Variants in PZP observed in about 807,000 individuals in gnomAD.
PZP encodes the protein PZP alpha-2-macroglobulin like.
A neutral mutation model predicts 179.8 loss-of-function variants in PZP; 150 were observed. That is an observed-to-expected ratio of 0.83 (90% confidence interval 0.73 to 0.96). PZP has a LOEUF of 0.96. PZP is among the 40% of genes least tolerant of loss of function. The pLI is 0.00. For missense variants in PZP, 1,689 were observed against 1,764.0 expected, an observed-to-expected ratio of 0.96 and a Z score of 0.76; for synonymous variants, 624 against 652.3, an observed-to-expected ratio of 0.96 and a Z score of 0.66.
At position 9,170,514 on chromosome 12, in the gene PZP, C is replaced by T. The variant is rs1254189913; in HGVS notation, c.1840-923G>A. 6.6e-6 allele frequency among the ~76,000 whole-genome samples: 1 copy of T among 152,200 alleles called. No individual in the cohort carries two copies. Among genetic ancestry groups the T allele is most frequent in the Admixed American group, 6.5e-5 (1 of 15,286 alleles). On this transcript the variant is annotated intron_variant, in intron 15 of 35. Transcript: ENST00000261336. This position sits in a 1 kb window ranked among gnomAD's most constrained non-coding sequence, Gnocchi z 4.6. ...CATCCTGTGGACCCCACTTCCACAG[C>T]ACCTCACAGGTTAAGACTCACTGTC...
downstream of PZP, among the ~76,000 whole-genome samples, chr12:9,146,080 G>A (rs761790352): frequency 6.6e-6 from 1 of 152,080 alleles, no homozygotes; most frequent in African/African-American, 2.4e-5. Context: ...AGGTTGAGAA[G>A]GTTTTAGTCA....
intron 15 of PZP, among the ~76,000 whole-genome samples, chr12:9,178,481 A>T (rs1391380322): frequency 6.6e-6 from 1 of 152,190 alleles, no homozygotes; most frequent in Non-Finnish European, 1.5e-5. Context: ...AGAAGCCGTA[A>T]AGTGCTTCCT....
chr12:9,194,237 A>C lies in PZP; in HGVS notation c.1094T>G (p.Val365Gly), dbSNP rs1330589445. Residue 365 changes from valine (V) to glycine (G), a missense_variant and splice_region_variant, in exon 11 of 36, where the codon GTG becomes GGG. Transcript: ENST00000261336. Reference sequence around the variant, plus strand: ...CACACCTTTTCCATCCACCAGAAGCACCTAAAGAAGAAAAGTACTTGATAG... The same window carrying C: ...CACACCTTTTCCATCCACCAGAAGCCCCTAAAGAAGAAAAGTACTTGATAG... ...FRQGIPFFAQ[V>G]LLVDGKGVPI... The C allele has an allele frequency of 8.7e-6, 14 of 1,613,660 alleles. No individual in the cohort carries two copies. Among genetic ancestry groups the C allele is most frequent in the South Asian group, 2.2e-5 (2 of 91,060 alleles).
At chr12:9,195,129 T>A (rs1469759733) in intron 10 of PZP, among the ~76,000 whole-genome samples, 1 of 152,146 alleles carries the variant, frequency 6.6e-6, no homozygotes, top group Non-Finnish European at 1.5e-5. Context: ...ATATTTAAGG[T>A]GATGAATATC....
At chr12:9,154,993 C>T (rs975355998) in intron 28 of PZP, among the ~76,000 whole-genome samples, 154 bp from the exon 29 acceptor site, 1 of 152,206 alleles carries the variant, frequency 6.6e-6, no homozygotes, top group African/African-American at 2.4e-5. Context: ...CACTAACTCA[C>T]ACTTCTATGC....
chr12:9,169,508 G>T lies in PZP; in HGVS notation c.1923C>A (p.Pro641=). 6.2e-7 allele frequency: 1 copy of T among 1,612,126 alleles called. No homozygotes were observed. ...DQQEEEQGHC[P]RPFFIHNGAI... is the part of the protein sequence containing the mutation. ...CTCCATTATGAATGAAGAAAGGACG[G>T]GGACAGTGTCCTTGTTCTTCCTCCT... The change falls in exon 16 of 36, where the codon CCC becomes CCA. Residue 641 remains proline, a synonymous_variant. Transcript: ENST00000261336.
In PZP at chr12:9,169,188, A is replaced by C. The variant is rs1040683679; in HGVS notation, c.2002-214T>G. 5.3e-5 allele frequency among the ~76,000 whole-genome samples: 8 copies of C among 151,906 alleles called. No individual in the cohort carries two copies. The South Asian group carries it at 1.2e-3, about 24-fold the overall frequency. On this transcript the variant is annotated intron_variant, in intron 16 of 35. Coordinates refer to ENST00000261336, the MANE Select transcript of PZP (RefSeq NM_002864.3). The stretch of plus-strand genomic sequence containing the variant: ...TATTTTTTGGTTTGCAAATAAAAAA[A>C]CCTAAATATAACTAAAAAGTATCCA...
intron 25 of PZP, among the ~76,000 whole-genome samples, chr12:9,159,569 G>T (rs1941017883): frequency 1.3e-5 from 2 of 152,042 alleles, no homozygotes. Context: ...GGGCTATCAT[G>T]ACAGTTGGAC....
intron 2 of PZP, among the ~76,000 whole-genome samples, 156 bp downstream of exon 2, chr12:9,203,612 A>C (rs1030185536): frequency 1.3e-5 from 2 of 152,104 alleles, no homozygotes; most frequent in Non-Finnish European, 2.9e-5. Context: ...AAGTGCTGGG[A>C]TTACAGGCGT....
chr12:9,175,193 A>G (rs2377746), intron 15 of PZP, among the ~76,000 whole-genome samples: 12,656 of 152,294 alleles, frequency 0.083, 720 homozygotes, highest in African/African-American at 0.16. Context: ...CAAACTTGAC[A>G]AAAACAAGCA....
chr12:9,165,484 G>C, intron 18 of PZP, 117 bp from the exon 19 acceptor site: 2 of 1,162,332 alleles, frequency 1.7e-6, no homozygotes, highest in Non-Finnish European at 2.5e-6. Flanking sequence ...GGGTATATGC[G>C]AGTGTGCATT....
chr12:9,204,592 A>G (rs1944355825), intron 1 of PZP, among the ~76,000 whole-genome samples: 5 of 152,174 alleles, frequency 3.3e-5, no homozygotes, highest in African/African-American at 9.7e-5. Flanking sequence ...TTTATCAACG[A>G]GTTTGAAAAT....
At chr12:9,198,890 C>T (rs1029213899) in intron 7 of PZP, among the ~76,000 whole-genome samples, 3 of 152,112 alleles carry the variant, frequency 2.0e-5, no homozygotes, top group East Asian at 1.9e-4. Context: ...GAGATCTAGG[C>T]GTTTTGGTGT....
intron 15 of PZP, among the ~76,000 whole-genome samples, chr12:9,180,656 G>A (rs1942697848): frequency 6.6e-6 from 1 of 152,086 alleles, no homozygotes; most frequent in Non-Finnish European, 1.5e-5. Flanking sequence ...AATTCAAGAT[G>A]GATTAAAGAC....
intron 17 of PZP, among the ~76,000 whole-genome samples, chr12:9,168,094 A>G (rs1193422862): frequency 1.3e-5 from 2 of 152,202 alleles, no homozygotes; most frequent in Non-Finnish European, 1.5e-5. Flanking sequence ...TATTTAAACA[A>G]TCAAAGTTCT....
At chr12:9,169,332 C>A in intron 16 of PZP, 98 bp downstream of exon 16, 2 of 1,188,700 alleles carry the variant, frequency 1.7e-6, no homozygotes, top group South Asian at 1.7e-5. Flanking sequence ...AATGGAGAGG[C>A]AAGGCTACAT....
intron 13 of PZP, among the ~76,000 whole-genome samples, chr12:9,185,530 A>G (rs1181296710): frequency 1.3e-5 from 2 of 152,224 alleles, no homozygotes; most frequent in Admixed American, 1.3e-4. Context: ...ATCATCCATG[A>G]GAACTTCCCC....
chr12:9,160,871 C>T (rs1198855583), intron 23 of PZP, among the ~76,000 whole-genome samples, 162 bp downstream of exon 23: 2 of 151,156 alleles, frequency 1.3e-5, no homozygotes, highest in Non-Finnish European at 2.9e-5. Context: ...GCCGAGATCA[C>T]GTCACTGTAC....
intron 17 of PZP, chr12:9,167,594 G>C (rs890671189): frequency 1.3e-5 from 2 of 152,120 alleles, no homozygotes; most frequent in African/African-American, 4.8e-5. Flanking sequence ...CATGGAAATG[G>C]CTTCATGTTG....
Sources: allele counts gnomAD v4.1 joint callset (sites outside exome capture counted in the v4.1 genomes callset), GRCh38; gene constraint gnomAD v4.1.1; non-coding constraint Gnocchi (gnomAD v3.1); transcripts MANE v1.5; gene names NCBI Gene and HGNC (gene_info 2026-07-23, HGNC 2026-07-21).